The following DOK5 variants were observed in gnomAD, a reference collection of about 807,000 sequenced individuals.
DOK5 encodes downstream of tyrosine kinase 5.
A neutral mutation model predicts 43.3 loss-of-function variants in DOK5; 27 were observed. The observed-to-expected ratio is 0.62, with a 90% CI of 0.46 to 0.86. The LOEUF is 0.86. Among genes scored for constraint, DOK5 ranks in the 40% least tolerant of loss-of-function variants. The pLI, the probability that DOK5 is intolerant of heterozygous loss-of-function variation, is 0.00. For synonymous variants in DOK5, 146 were observed against 140.1 expected (o/e 1.04, Z -0.30); for missense variants, 373 against 392.9 (o/e 0.95, Z 0.43).
At chr20:54,498,543 C>T (rs868321946) in intron 1 of DOK5, among the ~76,000 whole-genome samples, 1 of 152,228 alleles carries the variant, frequency 6.6e-6, no homozygotes. Context: ...GAAGTTGGGT[C>T]ATGTTTTCAG....
At chr20:54,512,940 A>G (rs1472494155) in intron 1 of DOK5, among the ~76,000 whole-genome samples, 1 of 152,176 alleles carries the variant, frequency 6.6e-6, no homozygotes, top group Non-Finnish European at 1.5e-5. Flanking sequence ...CTCATGATGT[A>G]GGTTTGTTTT....
intron 2 of DOK5, among the ~76,000 whole-genome samples, chr20:54,562,325 C>A (rs1033607644): frequency 2.6e-5 from 4 of 152,114 alleles, no homozygotes; most frequent in African/African-American, 4.8e-5. Context: ...GACTCACATG[C>A]CAAATTCTCT....
chr20:54,576,855 A>G (rs117635289), intron 2 of DOK5, among the ~76,000 whole-genome samples: 1,528 of 152,258 alleles, frequency 0.01, 6 homozygotes, highest in Middle Eastern at 0.02. Context: ...CAAGTACTTT[A>G]TTTTTACTTA....
intron 1 of DOK5, among the ~76,000 whole-genome samples, chr20:54,521,865 C>G (rs184855806): frequency 1.3e-5 from 2 of 152,292 alleles, no homozygotes; most frequent in East Asian, 3.9e-4. Context: ...TCACAAGAGA[C>G]ACTCCTAAAA....
intron 1 of DOK5, among the ~76,000 whole-genome samples, chr20:54,544,987 C>T (rs1371947309): frequency 6.6e-6 from 1 of 152,146 alleles, no homozygotes; most frequent in Non-Finnish European, 1.5e-5. Context: ...ATCCTCCTAA[C>T]CTGGTGGTCT....
chr20:54,626,782 T>C (rs1198261131), intron 6 of DOK5, among the ~76,000 whole-genome samples: 1 of 152,256 alleles, frequency 6.6e-6, no homozygotes, highest in East Asian at 1.9e-4. Flanking sequence ...AGTTTTTCCG[T>C]TCAACAGTAA....
chr20:54,639,926 G>A (rs1305255010), intron 6 of DOK5, among the ~76,000 whole-genome samples: 4 of 152,136 alleles, frequency 2.6e-5, no homozygotes, highest in Non-Finnish European at 4.4e-5. Flanking sequence ...AAAACAAGAC[G>A]ATTATTTACC....
At chr20:54,505,493 A>G (rs1294810521) in intron 1 of DOK5, among the ~76,000 whole-genome samples, 1 of 152,192 alleles carries the variant, frequency 6.6e-6, no homozygotes, top group Non-Finnish European at 1.5e-5. Flanking sequence ...TATTGAGCCT[A>G]TAAGAGTGAA....
At chr20:54,607,263 G>C (rs968940187) in intron 5 of DOK5, among the ~76,000 whole-genome samples, 2 of 152,210 alleles carry the variant, frequency 1.3e-5, no homozygotes, top group African/African-American at 4.8e-5. Flanking sequence ...TGCTTAGACA[G>C]GACCTGTGCT....
intron 1 of DOK5, among the ~76,000 whole-genome samples, chr20:54,517,521 T>C (rs964265343): frequency 6.6e-6 from 1 of 152,178 alleles, no homozygotes; most frequent in African/African-American, 2.4e-5. Context: ...GTTTAATATT[T>C]CTCTGTTAGT....
chr20:54,627,824 C>T (rs2146812549), intron 6 of DOK5, among the ~76,000 whole-genome samples: 2 of 152,284 alleles, frequency 1.3e-5, no homozygotes, highest in East Asian at 3.9e-4. Flanking sequence ...GACCAGGTAA[C>T]ATGCTTTCAG....
intron 2 of DOK5, among the ~76,000 whole-genome samples, chr20:54,582,362 T>C (rs975827830): frequency 9.2e-5 from 14 of 151,826 alleles, no homozygotes; most frequent in African/African-American, 2.7e-4. Context: ...CACAGTAATG[T>C]TGGTCTCACA....
intron 5 of DOK5, among the ~76,000 whole-genome samples, chr20:54,592,940 G>A (rs1986027163): frequency 6.6e-6 from 1 of 151,982 alleles, no homozygotes; most frequent in Non-Finnish European, 1.5e-5. Context: ...AACTTGTGAT[G>A]TTAAATAAAA....
At chr20:54,565,770 C>T (rs972613484) in intron 2 of DOK5, among the ~76,000 whole-genome samples, 15 of 152,192 alleles carry the variant, frequency 9.9e-5, no homozygotes, top group African/African-American at 3.4e-4. Flanking sequence ...GGCCTGTAAT[C>T]CCGGCACTTT....
chr20:54,631,699 C>T (rs1015372975), intron 6 of DOK5, among the ~76,000 whole-genome samples: 2 of 152,006 alleles, frequency 1.3e-5, no homozygotes, highest in South Asian at 2.1e-4. Flanking sequence ...ATAGGCCAGG[C>T]GCAGTGGCTC....
intron 5 of DOK5, among the ~76,000 whole-genome samples, chr20:54,595,063 T>A (rs960569321): frequency 6.6e-6 from 1 of 152,108 alleles, no homozygotes; most frequent in Non-Finnish European, 1.5e-5. Context: ...TATAAAGGGC[T>A]GGGCGTGGTG....
intron 1 of DOK5, among the ~76,000 whole-genome samples, chr20:54,552,798 C>T (rs1219985076): frequency 1.3e-5 from 2 of 152,074 alleles, no homozygotes; most frequent in Admixed American, 1.3e-4. Flanking sequence ...GAGTGGATTT[C>T]GTTTTTTCAC....
chr20:54,621,934 C>T (rs915365952), intron 6 of DOK5, among the ~76,000 whole-genome samples: 3 of 152,106 alleles, frequency 2.0e-5, no homozygotes, highest in Non-Finnish European at 2.9e-5. Flanking sequence ...GCAGCTCACA[C>T]CTGTAATCCC....
Position 54,506,876 on chromosome 20 carries a change from CTGCTCTGAAGCAG to C in DOK5, c.66+30868_66+30880del, listed in dbSNP as rs570136622. ...CACCTGGCGATCATACGCGAGGTCA[CTGCTCTGAAGCAG>C]TGCAGCTTTCGGGGAATCACAGACT... On this transcript the variant is annotated intron_variant, in intron 1 of 7. Transcript: ENST00000262593. 7.1e-3 allele frequency among the ~76,000 whole-genome samples: 1,076 copies of C among 152,340 alleles called. 2 individuals carry two copies. Among genetic ancestry groups the C allele is most frequent in the Non-Finnish European group, 0.011 (725 of 68,024 alleles).
Sources: allele counts gnomAD v4.1 joint callset (sites outside exome capture counted in the v4.1 genomes callset), GRCh38; gene constraint gnomAD v4.1.1; transcripts MANE v1.5; gene names NCBI Gene and HGNC (gene_info 2026-07-23, HGNC 2026-07-21).